MACROD2: variants seen among roughly 807,000 people sequenced by gnomAD.
MACROD2 encodes the protein mono-ADP ribosylhydrolase 2.
MACROD2 carries 36 observed loss-of-function variants against 70.4 expected under a neutral mutation model. The ratio of observed to expected loss-of-function variants is 0.51; its 90% CI spans 0.39 to 0.68. MACROD2 has a LOEUF of 0.68. Among genes scored for constraint, MACROD2 ranks in the 30% least tolerant of loss-of-function variants. The pLI is 0.00. For synonymous variants in MACROD2, 172 were observed against 178.8 expected, an observed-to-expected ratio of 0.96 and a Z score of 0.30; for missense variants, 496 against 538.4, an observed-to-expected ratio of 0.92 and a Z score of 0.78.
At chr20:15,764,270 A>T (rs891826127) in intron 8 of MACROD2, among the ~76,000 whole-genome samples, 11 of 152,104 alleles carry the variant, frequency 7.2e-5, no homozygotes, top group African/African-American at 2.4e-4. Context: ...TGTTATATTG[A>T]TCTGATTAAG....
chr20:14,829,764 A>T (rs2072943329), intron 5 of MACROD2, among the ~76,000 whole-genome samples: 1 of 152,154 alleles, frequency 6.6e-6, no homozygotes, highest in Non-Finnish European at 1.5e-5. Context: ...TTTTTGATTA[A>T]CAGAATATAT....
chr20:15,460,129 C>T (rs207477419), intron 7 of MACROD2, among the ~76,000 whole-genome samples: 6 of 152,168 alleles, frequency 3.9e-5, no homozygotes, highest in African/African-American at 1.2e-4. Flanking sequence ...CCCAGGAGAA[C>T]GAAGGTTTGT....
At chr20:15,746,496 GC>G (rs1172485806) in intron 8 of MACROD2, among the ~76,000 whole-genome samples, 1 of 144,112 alleles carries the variant, frequency 6.9e-6, no homozygotes. Flanking sequence ...AGTTTTACTT[GC>G]CTTATTGCAC....
chr20:14,431,024 A>G (rs1224569471), intron 3 of MACROD2, among the ~76,000 whole-genome samples: 1 of 152,144 alleles, frequency 6.6e-6, no homozygotes, highest in Non-Finnish European at 1.5e-5. Flanking sequence ...AATAAACATC[A>G]TCTTCTCTGA....
At chr20:15,483,604 G>C (rs2047126830) in intron 7 of MACROD2, among the ~76,000 whole-genome samples, 1 of 152,118 alleles carries the variant, frequency 6.6e-6, no homozygotes, top group South Asian at 2.1e-4. Flanking sequence ...AATCTGGGTT[G>C]GGATTGCATT....
intron 2 of MACROD2, among the ~76,000 whole-genome samples, chr20:14,047,082 T>C (rs1387946572): frequency 6.6e-6 from 1 of 152,110 alleles, no homozygotes; most frequent in Non-Finnish European, 1.5e-5. Context: ...GATACTCACA[T>C]GAAGCTTAAA....
intron 10 of MACROD2, among the ~76,000 whole-genome samples, chr20:15,887,569 G>T (rs1332519713): frequency 1.3e-5 from 2 of 152,128 alleles, no homozygotes; most frequent in Non-Finnish European, 2.9e-5. Context: ...AAGCACCAGA[G>T]AATTAATTTC....
intron 2 of MACROD2, among the ~76,000 whole-genome samples, chr20:14,056,892 A>T (rs2053636354): frequency 6.6e-6 from 1 of 151,484 alleles, no homozygotes; most frequent in Non-Finnish European, 1.5e-5. Context: ...GTTTTGTATT[A>T]CTGTTGTGTG....
At position 15,011,317 on chromosome 20, in the gene MACROD2, C is replaced by T. The variant is rs151001315; in HGVS notation, c.419-218623C>T. 3.9e-5 allele frequency among the ~76,000 whole-genome samples: 6 copies of T among 151,970 alleles called. 1 individual carries two copies. Among genetic ancestry groups the T allele is most frequent in the African/African-American group, 7.2e-5 (3 of 41,448 alleles). On this transcript the variant is annotated intron_variant, in intron 5 of 17. Transcript: ENST00000684519. ...AAGAGAGAAGGAAAGAGAGAGGAAT[C>T]GGGGTGGGGTAAGAAATACAGAGAG...
intron 5 of MACROD2, among the ~76,000 whole-genome samples, chr20:14,701,114 A>AGTGTCTTTAGCTTTATCTTTGC (rs1189664433): frequency 6.6e-6 from 1 of 152,186 alleles, no homozygotes; most frequent in Non-Finnish European, 1.5e-5. Context: ...AGTGGGAATC[A>AGTGTCTTTAGCTTTATCTTTGC]GTGTCTTTAG....
intron 3 of MACROD2, among the ~76,000 whole-genome samples, chr20:14,147,816 G>A (rs550039526): frequency 1.3e-5 from 2 of 151,874 alleles, no homozygotes; most frequent in Admixed American, 6.6e-5. Flanking sequence ...GGGGTTTGCT[G>A]TATTTCTTTT....
At chr20:14,135,278 A>G (rs1053552347) in intron 3 of MACROD2, among the ~76,000 whole-genome samples, 1 of 152,230 alleles carries the variant, frequency 6.6e-6, no homozygotes, top group Admixed American at 6.5e-5. Context: ...TATATGAAAT[A>G]CAGAAATATA....
chr20:15,895,539 A>G (rs1201057941), intron 10 of MACROD2, among the ~76,000 whole-genome samples: 1 of 152,214 alleles, frequency 6.6e-6, no homozygotes, highest in East Asian at 1.9e-4. Flanking sequence ...TCCCAACTTT[A>G]GAGGGGATGA....
intron 3 of MACROD2, among the ~76,000 whole-genome samples, chr20:14,269,559 TAGAA>T (rs1179215228): frequency 2.0e-5 from 3 of 152,208 alleles, no homozygotes; most frequent in African/African-American, 7.2e-5. Context: ...AAGAGCATAT[TAGAA>T]AGAAGTTTAA....
At chr20:14,134,545 G>T (rs557624473) in intron 3 of MACROD2, among the ~76,000 whole-genome samples, 1 of 151,998 alleles carries the variant, frequency 6.6e-6, no homozygotes, top group Non-Finnish European at 1.5e-5. Flanking sequence ...AGTGGCCCAC[G>T]CCTGTAATCC....
chr20:14,487,513 G>A (rs1478394426), intron 3 of MACROD2, among the ~76,000 whole-genome samples: 1 of 152,166 alleles, frequency 6.6e-6, no homozygotes, highest in Non-Finnish European at 1.5e-5. Flanking sequence ...GCTGCAAGAT[G>A]GTAAAGGAGT....
chr20:15,985,219 C>T (rs6043654), intron 13 of MACROD2, among the ~76,000 whole-genome samples: 3,369 of 151,958 alleles, frequency 0.022, 146 homozygotes, highest in African/African-American at 0.077. Flanking sequence ...TTTGTTTTTT[C>T]TCCTGAGACA....
At chr20:15,119,194 T>A (rs2076013037) in intron 5 of MACROD2, among the ~76,000 whole-genome samples, 4 of 152,052 alleles carry the variant, frequency 2.6e-5, no homozygotes, top group Admixed American at 2.0e-4. Flanking sequence ...TCAAGAGGAG[T>A]GGTCTCTTGC....
chr20:15,027,416 G>A (rs538040220), intron 5 of MACROD2, among the ~76,000 whole-genome samples: 24 of 152,222 alleles, frequency 1.6e-4, no homozygotes, highest in African/African-American at 5.5e-4. Context: ...TCACTGTGGC[G>A]ATATGAGTGT....
Sources: gnomAD v4.1 joint callset for allele counts (sites outside exome capture counted in the v4.1 genomes callset) on GRCh38, gnomAD v4.1.1 for gene constraint, MANE v1.5 for transcripts, NCBI Gene and HGNC (gene_info 2026-07-23, HGNC 2026-07-21) for gene names.